The following PHF21B variants were observed in gnomAD, a reference collection of about 807,000 sequenced individuals.
PHF21B encodes PHD finger protein 21B, also known as PHD finger protein 4.
In PHF21B, 22 loss-of-function variants were observed where a neutral mutation model predicts 62.2. The ratio of observed to expected loss-of-function variants is 0.35; its 90% CI spans 0.25 to 0.51. The LOEUF is 0.51. Among genes scored for constraint, PHF21B ranks in the 20% least tolerant of loss-of-function variants. PHF21B has a pLI of 0.97. For missense variants in PHF21B, 701 were observed against 707.9 expected (o/e 0.99, Z 0.11); for synonymous variants, 341 against 314.7 (o/e 1.08, Z -0.88).
At chr22:44,985,458 G>A (rs1167522519) in intron 2 of PHF21B, among the ~76,000 whole-genome samples, 1 of 152,094 alleles carries the variant, frequency 6.6e-6, no homozygotes, top group Non-Finnish European at 1.5e-5. Context: ...AAATTAACTG[G>A]GTGTGGTGGC....
At chr22:44,940,066 G>A (rs2071926218) in intron 2 of PHF21B, among the ~76,000 whole-genome samples, 1 of 152,140 alleles carries the variant, frequency 6.6e-6, no homozygotes, top group Admixed American at 6.5e-5. Context: ...CTGCCACCCT[G>A]GGCCTCAGTT....
At chr22:44,928,834 C>A (rs528942063) in intron 2 of PHF21B, among the ~76,000 whole-genome samples, 59 of 152,240 alleles carry the variant, frequency 3.9e-4, no homozygotes, top group Non-Finnish European at 7.3e-4. Flanking sequence ...GGACCAGGCT[C>A]TCCAGAGTCT....
At chr22:44,913,375 G>A (rs771830098) in intron 5 of PHF21B, among the ~76,000 whole-genome samples, 118 of 152,290 alleles carry the variant, frequency 7.7e-4, no homozygotes, top group Middle Eastern at 3.4e-3. Context: ...GCCCATAGCC[G>A]GGGCCCCTAG....
chr22:44,950,604 AG>A (rs2072174088), intron 2 of PHF21B, among the ~76,000 whole-genome samples: 1 of 151,998 alleles, frequency 6.6e-6, no homozygotes, highest in Non-Finnish European at 1.5e-5. Flanking sequence ...AAAACTCTAA[AG>A]GTTTGTCTTT....
At chr22:44,947,700 A>G (rs1436885491) in intron 2 of PHF21B, among the ~76,000 whole-genome samples, 1 of 152,198 alleles carries the variant, frequency 6.6e-6, no homozygotes, top group African/African-American at 2.4e-5. Flanking sequence ...GCCATCCATG[A>G]AAGGCCTGAG....
intron 2 of PHF21B, among the ~76,000 whole-genome samples, chr22:44,980,967 T>C (rs1330805543): frequency 3.3e-5 from 5 of 152,208 alleles, no homozygotes. Context: ...AATCAAACCA[T>C]TCCACCTTGC....
chr22:45,002,978 G>A (rs4823433), intron 2 of PHF21B: 98,186 of 152,140 alleles, frequency 0.65, 34,277 homozygotes, highest in East Asian at 0.89. Context: ...ACCCCCTCCC[G>A]GAAGCCGTCC....
intron 5 of PHF21B, among the ~76,000 whole-genome samples, chr22:44,906,282 G>T (rs76167705): frequency 6.6e-6 from 1 of 152,206 alleles, no homozygotes; most frequent in African/African-American, 2.4e-5. Context: ...GAGTTCAAGA[G>T]GGGGAGTGAC....
intron 2 of PHF21B, among the ~76,000 whole-genome samples, chr22:44,957,432 G>C (rs1261996650): frequency 1.3e-5 from 2 of 152,216 alleles, no homozygotes; most frequent in Non-Finnish European, 2.9e-5. Flanking sequence ...GCCCCTCACA[G>C]CCTTCCTCTG....
intron 10 of PHF21B, 119 bp downstream of exon 10, chr22:44,887,844 G>C (rs1248086622): frequency 5.5e-6 from 6 of 1,091,842 alleles, no homozygotes; most frequent in Non-Finnish European, 7.2e-6. Flanking sequence ...ATTGTGCTGA[G>C]GTTGAAAAAG....
chr22:44,951,367 C>T (rs116631985), intron 2 of PHF21B, among the ~76,000 whole-genome samples: 6,091 of 152,154 alleles, frequency 0.04, 406 homozygotes, highest in African/African-American at 0.14. Context: ...TGACAGGAGG[C>T]GGAACTCGGG....
intron 5 of PHF21B, among the ~76,000 whole-genome samples, chr22:44,896,880 GTTT>G (rs56878868): frequency 3.6e-5 from 3 of 84,082 alleles, no homozygotes; most frequent in South Asian, 3.7e-4. Context: ...AGTTTTATCT[GTTT>G]TTTTTTTTTT....
chr22:44,988,892 G>A (rs931816275), intron 2 of PHF21B, among the ~76,000 whole-genome samples: 9 of 152,172 alleles, frequency 5.9e-5, no homozygotes, highest in Non-Finnish European at 1.0e-4. Flanking sequence ...GGCAGTGTCC[G>A]GTGAGGGCTG....
chr22:44,928,883 C>T (rs1196569515), intron 2 of PHF21B, among the ~76,000 whole-genome samples: 1 of 152,244 alleles, frequency 6.6e-6, no homozygotes, highest in Non-Finnish European at 1.5e-5. Flanking sequence ...AGAGGCCCCC[C>T]ACCCCTCACC....
Position 44,883,317 on chromosome 22 carries a change from A to G in PHF21B, c.1378-13T>C. The G allele has an allele frequency of 6.2e-7, 1 of 1,611,802 alleles. No individual in the cohort carries two copies. Among genetic ancestry groups the G allele is most frequent in the Non-Finnish European group, 8.5e-7 (1 of 1,179,148 alleles). ...ACTCCAGGCATTTCTGTTGGGGAGA[A>G]GGTCAGGGGAAAGGGTCTCAGTATT... On this transcript the variant is annotated splice_polypyrimidine_tract_variant and intron_variant, in intron 12 of 12. Coordinates refer to ENST00000313237, the MANE Select transcript of PHF21B (RefSeq NM_138415.5).
At chr22:44,885,674 C>A in intron 11 of PHF21B, 145 bp from the exon 12 acceptor site, 2 of 1,015,960 alleles carry the variant, frequency 2.0e-6, no homozygotes, top group Admixed American at 2.5e-5. Flanking sequence ...ATGCACAGGA[C>A]CTGGAGCCAC....
intron 5 of PHF21B, among the ~76,000 whole-genome samples, chr22:44,910,086 T>C (rs1177250195): frequency 6.6e-6 from 1 of 152,150 alleles, no homozygotes; most frequent in Non-Finnish European, 1.5e-5. Flanking sequence ...GTTGAACAAC[T>C]AAAGGAAAAA....
intron 2 of PHF21B, among the ~76,000 whole-genome samples, chr22:44,984,863 A>T (rs2072918673): frequency 6.6e-6 from 1 of 152,186 alleles, no homozygotes; most frequent in Non-Finnish European, 1.5e-5. Flanking sequence ...AACGGACGGC[A>T]CCCTGGGCCT....
intron 3 of PHF21B, among the ~76,000 whole-genome samples, chr22:44,918,143 G>A (rs1168681846): frequency 2.6e-5 from 4 of 152,190 alleles, no homozygotes; most frequent in African/African-American, 7.2e-5. Context: ...CGTTCCTGCC[G>A]GCCCTCAGCT....
Sources: allele counts gnomAD v4.1 joint callset (sites outside exome capture counted in the v4.1 genomes callset), GRCh38; gene constraint gnomAD v4.1.1; transcripts MANE v1.5; gene names NCBI Gene and HGNC (gene_info 2026-07-23, HGNC 2026-07-21).